RIGI: variants seen among roughly 807,000 people sequenced by gnomAD.
RIGI encodes the protein antiviral innate immune response receptor RIG-I.
chr9:32,477,017 G>A, the RIGI span: 6 of 1,613,898 alleles, frequency 3.7e-6, no homozygotes, highest in African/African-American at 8.0e-5. Context: ...AAAGAGAATT[G>A]TTATTGTCTC....
At chr9:32,466,317 T>C in the RIGI span, 1 of 1,613,742 alleles carries the variant, frequency 6.2e-7, no homozygotes, top group African/African-American at 1.3e-5. Flanking sequence ...CTTCGTCCCA[T>C]GTCTGAAGGC....
chr9:32,521,139 C>CAAAAAAAAAAAGAAA, the RIGI span, among the ~76,000 whole-genome samples: 1 of 32,776 alleles, frequency 3.1e-5, no homozygotes, highest in Non-Finnish European at 5.6e-5. Flanking sequence ...GACACCATCT[C>CAAAAAAAAAAAGAAA]AAAAAAAAAA....
chr9:32,487,395 T>C, the RIGI span: 1 of 1,384,972 alleles, frequency 7.2e-7, no homozygotes, highest in Non-Finnish European at 1.0e-6. Flanking sequence ...AAGTTCAGTA[T>C]TCGTCTAGAT....
chr9:32,466,152 GAATTT>G, the RIGI span: 2 of 828,168 alleles, frequency 2.4e-6, no homozygotes, highest in South Asian at 1.7e-5. Flanking sequence ...AAAACAGAAT[GAATTT>G]AATATTCACT....
the RIGI span, among the ~76,000 whole-genome samples, chr9:32,519,328 C>T: frequency 6.6e-6 from 1 of 152,132 alleles, no homozygotes; most frequent in African/African-American, 2.4e-5. Context: ...GTTTCCTATG[C>T]ATTTCCAGTA....
At chr9:32,514,698 CAT>C in the RIGI span, among the ~76,000 whole-genome samples, 7 of 152,168 alleles carry the variant, frequency 4.6e-5, no homozygotes, top group Non-Finnish European at 7.3e-5. Context: ...ACGTTCTGCA[CAT>C]GTGTCCCAGA....
At chr9:32,522,705 G>C in the RIGI span, among the ~76,000 whole-genome samples, 1 of 152,128 alleles carries the variant, frequency 6.6e-6, no homozygotes, top group East Asian at 1.9e-4. Flanking sequence ...TTGATTCCTG[G>C]ATGGCCACGT....
chr9:32,482,705 A>C, the RIGI span, among the ~76,000 whole-genome samples: 4 of 152,090 alleles, frequency 2.6e-5, no homozygotes, highest in African/African-American at 9.7e-5. Flanking sequence ...CTAAAAATAC[A>C]AAAATTAGCT....
the RIGI span, chr9:32,480,437 G>C: frequency 7.5e-7 from 1 of 1,340,650 alleles, no homozygotes; most frequent in Non-Finnish European, 9.9e-7. Context: ...TGTATTTAAC[G>C]AATTGTTTTA....
chr9:32,515,732 A>C, the RIGI span, among the ~76,000 whole-genome samples: 1 of 152,226 alleles, frequency 6.6e-6, no homozygotes, highest in African/African-American at 2.4e-5. Context: ...TATTCCACAG[A>C]AACTAGTCCT....
At chr9:32,459,996 G>T in the RIGI span, among the ~76,000 whole-genome samples, 1 of 152,084 alleles carries the variant, frequency 6.6e-6, no homozygotes, top group Non-Finnish European at 1.5e-5. Context: ...TATCTTAACA[G>T]AATTCCCACG....
At chr9:32,455,406 A>C in the RIGI span, among the ~76,000 whole-genome samples, 1 of 152,152 alleles carries the variant, frequency 6.6e-6, no homozygotes, top group Non-Finnish European at 1.5e-5. Flanking sequence ...CAAGTCTTAC[A>C]TGGCAGCAGA....
chr9:32,498,937 C>A, the RIGI span, among the ~76,000 whole-genome samples: 1 of 142,032 alleles, frequency 7.0e-6, no homozygotes, highest in South Asian at 2.2e-4. Context: ...GAGCCAAGAT[C>A]GTGCCATTGC....
the RIGI span, among the ~76,000 whole-genome samples, chr9:32,521,923 T>C: frequency 6.6e-6 from 1 of 152,226 alleles, no homozygotes; most frequent in African/African-American, 2.4e-5. Flanking sequence ...TTGTTTTGCA[T>C]TGATTCTTTT....
At chr9:32,513,920 G>T in the RIGI span, among the ~76,000 whole-genome samples, 4 of 152,190 alleles carry the variant, frequency 2.6e-5, 1 homozygote, top group Admixed American at 2.0e-4. Context: ...TGCAGGATAT[G>T]AGCAGACATT....
At chr9:32,497,079 C>A in the RIGI span, among the ~76,000 whole-genome samples, 1 of 151,752 alleles carries the variant, frequency 6.6e-6, no homozygotes, top group Non-Finnish European at 1.5e-5. Context: ...TCTATTTCTA[C>A]AAAAAAAATG....
At chr9:32,519,917 A>G in the RIGI span, among the ~76,000 whole-genome samples, 1 of 152,218 alleles carries the variant, frequency 6.6e-6, no homozygotes, top group Non-Finnish European at 1.5e-5. Context: ...GCCAGTTTGA[A>G]GATTCTAGTG....
At chr9:32,491,225 G>A in the RIGI span, 4 of 1,527,010 alleles carry the variant, frequency 2.6e-6, no homozygotes, top group Non-Finnish European at 3.5e-6. Flanking sequence ...CTGTGACTTT[G>A]GGTACTGCAA....
chr9:32,482,600 C>T, the RIGI span, among the ~76,000 whole-genome samples: 1 of 152,158 alleles, frequency 6.6e-6, no homozygotes, highest in Non-Finnish European at 1.5e-5. Context: ...GTGGCTCATG[C>T]CTGTAATCCC....
Sources: allele counts gnomAD v4.1 joint callset (sites outside exome capture counted in the v4.1 genomes callset), GRCh38; gene constraint gnomAD v4.1.1; transcripts MANE v1.5; gene names NCBI Gene and HGNC (gene_info 2026-07-23, HGNC 2026-07-21).